CDK14: variants seen among roughly 807,000 people sequenced by gnomAD.
CDK14 encodes cyclin dependent kinase 14, also known as cyclin-dependent kinase 14.
Under a neutral mutation model 60.7 loss-of-function variants are expected in CDK14, and 34 were observed. The ratio of observed to expected loss-of-function variants is 0.56; its 90% CI spans 0.43 to 0.75. The LOEUF (loss-of-function observed/expected upper bound fraction) is 0.75. CDK14 is among the 30% of genes least tolerant of loss of function. CDK14 has a pLI of 0.00. For missense variants in CDK14, 482 were observed against 564.1 expected (o/e 0.85, Z 1.47); for synonymous variants, 197 against 203.7 (o/e 0.97, Z 0.28).
At chr7:90,935,753 TAAAG>T (rs1015660820) in intron 8 of CDK14, among the ~76,000 whole-genome samples, 7 of 152,168 alleles carry the variant, frequency 4.6e-5, no homozygotes, top group African/African-American at 1.7e-4. Context: ...CAGATAGTCA[TAAAG>T]AAGAACATAG....
chr7:90,977,050 T>C (rs1795093964), intron 9 of CDK14, among the ~76,000 whole-genome samples: 1 of 152,196 alleles, frequency 6.6e-6, no homozygotes, highest in Non-Finnish European at 1.5e-5. Context: ...TTTCTTCTAG[T>C]AGTTTTACCG....
At chr7:90,711,123 G>T (rs965880340) in intron 2 of CDK14, among the ~76,000 whole-genome samples, 4 of 152,038 alleles carry the variant, frequency 2.6e-5, no homozygotes, top group Non-Finnish European at 5.9e-5. Context: ...TACAGAACTG[G>T]CATGTAGCCA....
chr7:90,646,109 C>T (rs1227773584), intron 2 of CDK14, among the ~76,000 whole-genome samples: 2 of 152,100 alleles, frequency 1.3e-5, no homozygotes, highest in Admixed American at 6.6e-5. Context: ...TTAGCCTTGC[C>T]ACTGTTTGCC....
At chr7:90,866,958 C>T (rs1248841859) in intron 6 of CDK14, among the ~76,000 whole-genome samples, 2 of 152,084 alleles carry the variant, frequency 1.3e-5, no homozygotes, top group South Asian at 2.1e-4. Flanking sequence ...GTAGATACTA[C>T]GATCTGGAAG....
intron 2 of CDK14, among the ~76,000 whole-genome samples, chr7:90,712,258 C>G (rs1170483614): frequency 6.6e-6 from 1 of 151,698 alleles, no homozygotes; most frequent in African/African-American, 2.4e-5. Flanking sequence ...TTTCATCAAC[C>G]CAAACAGAAA....
intron 2 of CDK14, among the ~76,000 whole-genome samples, chr7:90,627,432 C>T (rs571169707): frequency 6.6e-5 from 10 of 152,282 alleles, no homozygotes; most frequent in Admixed American, 2.6e-4. Flanking sequence ...AGGCTGGACT[C>T]AAACTCCTGG....
chr7:90,676,965 T>G (rs962646833), intron 2 of CDK14, among the ~76,000 whole-genome samples: 4 of 151,834 alleles, frequency 2.6e-5, no homozygotes, highest in Admixed American at 6.6e-5. Flanking sequence ...TTTTATGTGT[T>G]TGGAGTTTCT....
intron 2 of CDK14, among the ~76,000 whole-genome samples, chr7:90,693,176 G>T (rs1329742312): frequency 6.6e-6 from 1 of 152,058 alleles, no homozygotes; most frequent in Non-Finnish European, 1.5e-5. Context: ...CTTCCCAAAG[G>T]TATTTAAAAT....
At chr7:90,882,556 G>T (rs1791797303) in intron 6 of CDK14, among the ~76,000 whole-genome samples, 1 of 152,158 alleles carries the variant, frequency 6.6e-6, no homozygotes, top group African/African-American at 2.4e-5. Context: ...AATTAACAAG[G>T]ATATTCAGGA....
intron 2 of CDK14, among the ~76,000 whole-genome samples, chr7:90,698,786 G>A (rs930793354): frequency 6.6e-6 from 1 of 152,164 alleles, no homozygotes; most frequent in South Asian, 2.1e-4. Flanking sequence ...CGTGTGTGCT[G>A]ATGGTGGTAA....
intron 5 of CDK14, among the ~76,000 whole-genome samples, chr7:90,811,568 A>T (rs559660783): frequency 6.6e-6 from 1 of 152,020 alleles, no homozygotes; most frequent in Non-Finnish European, 1.5e-5. Context: ...CAAGGACTTC[A>T]TGTCTAAAAC....
At chr7:90,706,120 G>A (rs1014234546) in intron 2 of CDK14, among the ~76,000 whole-genome samples, 1 of 152,042 alleles carries the variant, frequency 6.6e-6, no homozygotes, top group Non-Finnish European at 1.5e-5. Context: ...TCTCTTTGAA[G>A]CTATAATTTT....
intron 6 of CDK14, among the ~76,000 whole-genome samples, chr7:90,882,413 G>A (rs1791792112): frequency 6.6e-6 from 1 of 152,194 alleles, no homozygotes; most frequent in African/African-American, 2.4e-5. Flanking sequence ...AAATATGTAT[G>A]TACCCAATAC....
chr7:91,101,276 G>A (rs1407629633), intron 12 of CDK14, among the ~76,000 whole-genome samples: 1 of 152,264 alleles, frequency 6.6e-6, no homozygotes, highest in East Asian at 1.9e-4. Flanking sequence ...GTAAGTATCA[G>A]AAGTCTGAAT....
chr7:91,196,545 G>T (rs547211800), intron 14 of CDK14, among the ~76,000 whole-genome samples: 4 of 152,222 alleles, frequency 2.6e-5, no homozygotes, highest in Non-Finnish European at 5.9e-5. Context: ...AGTGATTCAG[G>T]CAACACTTGT....
chr7:90,887,049 T>G (rs1791967292), intron 6 of CDK14, among the ~76,000 whole-genome samples: 1 of 152,194 alleles, frequency 6.6e-6, no homozygotes, highest in African/African-American at 2.4e-5. Context: ...CTTTTGGCAG[T>G]ACTCCAGATA....
chr7:90,615,599 A>C (rs1799634425), intron 2 of CDK14, among the ~76,000 whole-genome samples: 1 of 152,148 alleles, frequency 6.6e-6, no homozygotes, highest in Non-Finnish European at 1.5e-5. Context: ...AGTGGGAAAG[A>C]AGGGGGCTGA....
At chr7:91,150,300 T>C (rs888306654) in intron 14 of CDK14, among the ~76,000 whole-genome samples, 1 of 152,246 alleles carries the variant, frequency 6.6e-6, no homozygotes, top group Non-Finnish European at 1.5e-5. Flanking sequence ...TAAAATGTAA[T>C]TTTCATTTCC....
At chr7:90,783,597 C>T (rs12538996) in intron 4 of CDK14, among the ~76,000 whole-genome samples, 27,857 of 151,648 alleles carry the variant, frequency 0.18, 2,675 homozygotes, top group South Asian at 0.24. Flanking sequence ...CCCTAAAGAT[C>T]GATTAAAAAA....
Sources: allele counts gnomAD v4.1 joint callset (sites outside exome capture counted in the v4.1 genomes callset), GRCh38; gene constraint gnomAD v4.1.1; transcripts MANE v1.5; gene names NCBI Gene and HGNC (gene_info 2026-07-23, HGNC 2026-07-21).